The following PRKN variants were observed in gnomAD, a reference collection of about 807,000 sequenced individuals.
PRKN encodes the protein parkin RBR E3 ubiquitin protein ligase.
Under a neutral mutation model 59.5 loss-of-function variants are expected in PRKN, and 56 were observed. The ratio of observed to expected loss-of-function variants is 0.94; its 90% CI spans 0.76 to 1.18. The LOEUF is 1.18. PRKN is among the 50% of genes most tolerant of loss of function. PRKN has a pLI of 0.00. For missense variants in PRKN, 657 were observed against 596.4 expected, an observed-to-expected ratio of 1.10 and a Z score of -1.06; for synonymous variants, 250 against 222.1, an observed-to-expected ratio of 1.13 and a Z score of -1.12.
chr6:161,768,462 T>C (rs1226895100), intron 7 of PRKN, among the ~76,000 whole-genome samples: 1 of 152,074 alleles, frequency 6.6e-6, no homozygotes, highest in Non-Finnish European at 1.5e-5. Flanking sequence ...CCCCTATTAG[T>C]AAAAATAAAG....
chr6:162,142,640 T>C (rs766466966), intron 4 of PRKN, among the ~76,000 whole-genome samples: 2 of 152,200 alleles, frequency 1.3e-5, no homozygotes, highest in African/African-American at 2.4e-5. Flanking sequence ...TGAGTTAATA[T>C]TTGTACAGCA....
At chr6:161,634,585 G>A (rs1783443749) in intron 7 of PRKN, among the ~76,000 whole-genome samples, 1 of 152,274 alleles carries the variant, frequency 6.6e-6, no homozygotes, top group South Asian at 2.1e-4. Context: ...ACAGGCACGA[G>A]GACTCAAGGA....
intron 1 of PRKN, among the ~76,000 whole-genome samples, chr6:162,627,610 T>C (rs1298298347): frequency 6.6e-6 from 1 of 151,804 alleles, no homozygotes; most frequent in African/African-American, 2.4e-5. Flanking sequence ...AGGTGAGAGA[T>C]GATGAAGGGT....
intron 6 of PRKN, among the ~76,000 whole-genome samples, chr6:161,867,234 C>G (rs1794147136): frequency 6.6e-6 from 1 of 151,980 alleles, no homozygotes; most frequent in Admixed American, 6.6e-5. Flanking sequence ...TTCTGTAAAA[C>G]ATGTAGAAAG....
chr6:161,484,855 C>T lies in PRKN; in HGVS notation c.1083+63999G>A, dbSNP rs1309383997. Among the ~76,000 whole-genome samples the T allele has an allele frequency of 6.7e-6, 1 of 150,196 alleles. No homozygotes were observed. The highest frequency in any genetic ancestry group is 2.5e-5 in the African/African-American group (1 of 39,604). ...CTGCTCTGACTCAAAGGTGTCTGCT[C>T]CTAACCACCTGCCTCTCAAAGGTGT... On this transcript the variant is annotated intron_variant, in intron 9 of 11. Transcript: ENST00000366898. This position sits in a 1 kb window ranked among gnomAD's most constrained non-coding sequence, Gnocchi z 4.9.
chr6:162,347,834 G>A (rs1206336248), intron 2 of PRKN, among the ~76,000 whole-genome samples: 1 of 152,128 alleles, frequency 6.6e-6, no homozygotes, highest in African/African-American at 2.4e-5. Context: ...TGAAGATACT[G>A]GCTATCAAGC....
intron 7 of PRKN, among the ~76,000 whole-genome samples, chr6:161,728,303 A>G (rs1361520209): frequency 6.6e-6 from 1 of 152,036 alleles, no homozygotes; most frequent in Non-Finnish European, 1.5e-5. Context: ...AGTGATTCTC[A>G]AAATGAAACC....
chr6:161,351,890 C>A (rs1784566021), intron 11 of PRKN, among the ~76,000 whole-genome samples: 1 of 152,140 alleles, frequency 6.6e-6, no homozygotes, highest in African/African-American at 2.4e-5. Context: ...TTATTTTCAG[C>A]ATAAGAGGAA....
In PRKN at chr6:161,352,773, T is replaced by TTTTTTTTTA. The variant is rs1562388704; in HGVS notation, c.1286-2563_1286-2562insTAAAAAAAA. Among the ~76,000 whole-genome samples, 2 of 74,932 alleles carry TTTTTTTTTA rather than the reference T, an allele frequency of 2.7e-5. No individual in the cohort carries two copies. The highest frequency in any genetic ancestry group is 1.2e-4 in the African/African-American group (2 of 16,804). The allele number at this position is 74,932 out of a possible 152,430, so 49.2% of individuals were successfully genotyped here. A position where few individuals can be genotyped will look rare whatever the true frequency, so the allele number is the denominator to read the frequency against. On this transcript the variant is annotated intron_variant, in intron 11 of 11. Transcript: ENST00000366898. The surrounding 1 kb of genome is among the most constrained non-coding windows in gnomAD (Gnocchi z 5.8). ...TGTGTGTGTATATATATATATATAT[T>TTTTTTTTTA]TTATTTTATTTTATTTTATTTTTTT...
chr6:161,851,388 T>C (rs747687305), intron 6 of PRKN, among the ~76,000 whole-genome samples: 57 of 152,312 alleles, frequency 3.7e-4, no homozygotes, highest in Non-Finnish European at 5.9e-4. Context: ...TGTGGTATTC[T>C]ATTATAGCAG....
rs968307816 is a variant in PRKN, at chr6:161,802,473, G to A, written c.735-16565C>T. Among the ~76,000 whole-genome samples the A allele has an allele frequency of 6.6e-5, 9 of 136,928 alleles. 1 individual carries two copies. Among genetic ancestry groups the A allele is most frequent in the East Asian group, 2.1e-4 (1 of 4,652 alleles). The allele number at this position is 136,928 out of a possible 152,430, so 89.8% of individuals were successfully genotyped here. The stretch of plus-strand genomic sequence containing the variant: ...CACACCCCACATATGACCCACACAC[G>A]CCCCCCACACACCCCACATATGACC... On this transcript the variant is annotated intron_variant, in intron 6 of 11. Transcript: ENST00000366898.
intron 9 of PRKN, among the ~76,000 whole-genome samples, chr6:161,495,559 C>A (rs568962826): frequency 6.6e-6 from 1 of 152,162 alleles, no homozygotes; most frequent in African/African-American, 2.4e-5. Flanking sequence ...GGCATGTTCC[C>A]AGCCCTTCTC....
intron 2 of PRKN, among the ~76,000 whole-genome samples, chr6:162,273,321 G>A (rs557229435): frequency 6.6e-6 from 1 of 151,470 alleles, no homozygotes; most frequent in Non-Finnish European, 1.5e-5. Flanking sequence ...CACAGAAAAT[G>A]TTTCACAAAA....
intron 9 of PRKN, among the ~76,000 whole-genome samples, chr6:161,540,425 A>G (rs534835502): frequency 2.6e-5 from 4 of 152,366 alleles, no homozygotes; most frequent in South Asian, 4.1e-4. Flanking sequence ...ATAAAAATAT[A>G]TATCAATGGC....
chr6:162,626,421 A>G (rs1782897907), intron 1 of PRKN, among the ~76,000 whole-genome samples: 1 of 152,188 alleles, frequency 6.6e-6, no homozygotes, highest in African/African-American at 2.4e-5. Flanking sequence ...TGACTCTCGA[A>G]TTAATCATAG....
chr6:162,429,052 T>A (rs1789379342), intron 2 of PRKN, among the ~76,000 whole-genome samples: 1 of 152,198 alleles, frequency 6.6e-6, no homozygotes, highest in Non-Finnish European at 1.5e-5. Flanking sequence ...AACTGAAATT[T>A]ACCATTTTTA....
intron 6 of PRKN, among the ~76,000 whole-genome samples, chr6:161,788,149 T>C (rs978360893): frequency 2.0e-5 from 3 of 152,190 alleles, no homozygotes; most frequent in African/African-American, 7.2e-5. Context: ...ACAGCACACT[T>C]CTATAGTTGT....
chr6:162,014,877 C>T (rs897783523), intron 5 of PRKN, among the ~76,000 whole-genome samples: 1 of 152,058 alleles, frequency 6.6e-6, no homozygotes, highest in Non-Finnish European at 1.5e-5. Context: ...CTTTCTCATG[C>T]CTTTTTCCCA....
intron 2 of PRKN, among the ~76,000 whole-genome samples, chr6:162,384,860 T>C (rs979913548): frequency 3.3e-5 from 5 of 151,996 alleles, no homozygotes; most frequent in African/African-American, 1.2e-4. Flanking sequence ...TTTAAGGAAG[T>C]AGAGTAAGTA....
Sources: allele counts gnomAD v4.1 joint callset (sites outside exome capture counted in the v4.1 genomes callset), GRCh38; gene constraint gnomAD v4.1.1; non-coding constraint Gnocchi (gnomAD v3.1); transcripts MANE v1.5; gene names NCBI Gene and HGNC (gene_info 2026-07-23, HGNC 2026-07-21).